Variants in AP3M2 observed in about 807,000 individuals in gnomAD.
AP3M2 encodes the protein AP-3 complex subunit mu-2.
In AP3M2, 28 loss-of-function variants were observed where a neutral mutation model predicts 41.6. The observed-to-expected ratio is 0.67, with a 90% CI of 0.50 to 0.92. The LOEUF (loss-of-function observed/expected upper bound fraction) is 0.92. Ranked by LOEUF, AP3M2 falls within the 40% of genes least tolerant of loss-of-function variation. The probability of loss-of-function intolerance (pLI) is 0.00; values close to 1 mark genes in which losing one functional copy is unlikely to be tolerated. For missense variants in AP3M2, 427 were observed against 521.4 expected, an observed-to-expected ratio of 0.82 and a Z score of 1.76; for synonymous variants, 193 against 186.4, an observed-to-expected ratio of 1.04 and a Z score of -0.29.
At chr8:42,157,790 A>T in intron 2 of AP3M2, 151 bp from the exon 3 acceptor site, 1 of 646,356 alleles carries the variant, frequency 1.5e-6, no homozygotes, top group Admixed American at 3.1e-5. Context: ...GCCTAAGAGA[A>T]CTATGGTTAT....
chr8:42,153,179 C>T (rs1804253965), intron 1 of AP3M2, 74 bp downstream of exon 1: 1 of 152,372 alleles, frequency 6.6e-6, no homozygotes, highest in Non-Finnish European at 1.5e-5. Context: ...GGCGGGGTCT[C>T]AGGATGCAGC....
chr8:42,163,584 T>C (rs891273271), intron 4 of AP3M2, among the ~76,000 whole-genome samples: 2 of 152,076 alleles, frequency 1.3e-5, no homozygotes, highest in Admixed American at 6.6e-5. Context: ...ATGTGTGGAT[T>C]TGGGAGCAAA....
intron 4 of AP3M2, among the ~76,000 whole-genome samples, chr8:42,163,006 T>G (rs1311430109): frequency 6.6e-6 from 1 of 150,566 alleles, no homozygotes; most frequent in Non-Finnish European, 1.5e-5. Flanking sequence ...TAAATTACCT[T>G]CTCGAAAGTA....
intron 4 of AP3M2, among the ~76,000 whole-genome samples, chr8:42,163,275 CAA>C (rs1414510648): frequency 6.6e-6 from 1 of 152,060 alleles, no homozygotes; most frequent in Non-Finnish European, 1.5e-5. Context: ...CTAGCCTGGG[CAA>C]CATAGTGAGA....
At chr8:42,157,819 A>G (rs960000641) in intron 2 of AP3M2, 122 bp from the exon 3 acceptor site, 11 of 916,254 alleles carry the variant, frequency 1.2e-5, no homozygotes, top group African/African-American at 3.4e-5. Flanking sequence ...CCCTCGTTGT[A>G]GAAGAGTAGC....
At position 42,158,880 on chromosome 8, in the gene AP3M2, G is replaced by A. The variant is rs536522907; in HGVS notation, c.445+768G>A. ...GCGATCTCAACTCACTGCAACCTCC[G>A]CCTCCCAGGCTCAAGCGATTCTCCT... On this transcript the variant is annotated intron_variant, in intron 3 of 8. Coordinates refer to ENST00000396926, the MANE Select transcript of AP3M2 (RefSeq NM_006803.4). Among the ~76,000 whole-genome samples the A allele has an allele frequency of 1.3e-4, 20 of 150,810 alleles. No individual in the cohort carries two copies. The East Asian group carries it at 2.4e-3, about 18-fold the overall frequency.
rs369710104 is a variant in AP3M2, at chr8:42,165,498, C to G, written c.741C>G (p.Ile247Met). Residue 247 changes from isoleucine to methionine, a missense_variant, in exon 6 of 9, where the codon ATC becomes ATG. Around this residue, in one of 3 missense-constraint regions of AP3M2, gnomAD observed 237 missense variants for 284.9 expected, o/e 0.83. Transcript: ENST00000396926. Reference sequence around the variant, plus strand: ...TCAAACGCTGGGAATCTGAGCGCATCCTCTCCTTCATCCCTCCTGATGGAA... The same window carrying G: ...TCAAACGCTGGGAATCTGAGCGCATGCTCTCCTTCATCCCTCCTGATGGAA... ...VRFKRWESER[I>M]LSFIPPDGNF... 7.4e-6 allele frequency: 12 copies of G among 1,614,064 alleles called. No individual in the cohort carries two copies. The highest frequency in any genetic ancestry group is 9.3e-6 in the Non-Finnish European group (11 of 1,180,024).
In AP3M2 at chr8:42,165,447, T is replaced by C. The variant is rs776386446; in HGVS notation, c.690T>C (p.Asp230=). 1 of 1,614,244 alleles carries C rather than the reference T, an allele frequency of 6.2e-7. No homozygotes were observed. The highest frequency in any genetic ancestry group is 1.7e-5 in the Admixed American group (1 of 60,026). Residue 230 remains aspartate, a synonymous_variant, in exon 6 of 9, where the codon GAT becomes GAC. Transcript: ENST00000396926. ...TGTAGAACCCTAGGTTGTTGGATGA[T>C]GTCAGCTTCCATCCTTGTGTTCGTT... is the stretch of plus-strand genomic sequence containing the variant. ...LSFMNPRLLD[D]VSFHPCVRFK... is the part of the protein sequence containing the mutation.
chr8:42,169,068 C>T lies in AP3M2; in HGVS notation c.*7C>T, dbSNP rs770695245. The T allele has an allele frequency of 6.3e-6, 10 of 1,595,482 alleles. No homozygotes were observed. The highest frequency in any genetic ancestry group is 1.7e-5 in the Admixed American group (1 of 57,960). ...GTTCCAAGTTCGAACCTGAAGGGAGCATTTGCTGAGGGAATAGTCTTGCAC... is the reference window on the plus strand; with the variant it reads ...GTTCCAAGTTCGAACCTGAAGGGAGTATTTGCTGAGGGAATAGTCTTGCAC... On this transcript the variant is annotated 3_prime_UTR_variant, in exon 9 of 9. Coordinates refer to ENST00000396926, the MANE Select transcript of AP3M2 (RefSeq NM_006803.4).
intron 7 of AP3M2, 93 bp from the exon 8 acceptor site, chr8:42,167,573 G>C: frequency 1.4e-6 from 2 of 1,480,982 alleles, no homozygotes; most frequent in African/African-American, 1.4e-5. Flanking sequence ...GTGGACAGGT[G>C]CCCTGAGTTT....
At chr8:42,167,865 A>T in intron 8 of AP3M2, 55 bp downstream of exon 8, 2 of 1,562,028 alleles carry the variant, frequency 1.3e-6, no homozygotes, top group Non-Finnish European at 1.7e-6. Flanking sequence ...GCTTTCTGCC[A>T]TATGGCGCAG....
At chr8:42,163,988 T>G (rs1181752432) in intron 4 of AP3M2, among the ~76,000 whole-genome samples, 1 of 152,106 alleles carries the variant, frequency 6.6e-6, no homozygotes, top group Non-Finnish European at 1.5e-5. Flanking sequence ...TGATGAGACT[T>G]GTAGTTTAGA....
intron 8 of AP3M2, chr8:42,168,318 C>T (rs1804697050): frequency 4.6e-6 from 2 of 435,374 alleles, no homozygotes; most frequent in Non-Finnish European, 9.3e-6. Flanking sequence ...GGGCATTTAC[C>T]ATGTTCCAGG....
chr8:42,160,849 C>T (rs1331682947), intron 3 of AP3M2, among the ~76,000 whole-genome samples: 1 of 152,092 alleles, frequency 6.6e-6, no homozygotes, highest in Non-Finnish European at 1.5e-5. Context: ...ATACATAGTT[C>T]CTCTTTTTAA....
At chr8:42,155,929 C>T in intron 2 of AP3M2, 1 of 454,312 alleles carries the variant, frequency 2.2e-6, no homozygotes, top group South Asian at 1.6e-5. Context: ...AACTTCCCTT[C>T]CCAAGAGAAT....
At chr8:42,165,819 C>T in intron 6 of AP3M2, 1 of 365,490 alleles carries the variant, frequency 2.7e-6, no homozygotes, top group Non-Finnish European at 4.9e-6. Context: ...CAAAGAAGTG[C>T]TCATTAAGTT....
At chr8:42,159,264 G>T (rs1450202292) in intron 3 of AP3M2, among the ~76,000 whole-genome samples, 1 of 152,198 alleles carries the variant, frequency 6.6e-6, no homozygotes, top group African/African-American at 2.4e-5. Context: ...AGTAGTAGAG[G>T]TAGCAATGCT....
At chr8:42,165,366 C>T (rs1804610593) in intron 5 of AP3M2, 61 bp from the exon 6 acceptor site, 3 of 1,587,640 alleles carry the variant, frequency 1.9e-6, no homozygotes, top group Non-Finnish European at 2.6e-6. Context: ...AAATTGCTTT[C>T]CTGAAAGCAC....
At chr8:42,165,939 C>G (rs1317182996) in intron 6 of AP3M2, among the ~76,000 whole-genome samples, 2 of 152,148 alleles carry the variant, frequency 1.3e-5, no homozygotes, top group African/African-American at 4.8e-5. Flanking sequence ...TTAAGTTATG[C>G]TATGAAAAAG....
Sources: allele counts gnomAD v4.1 joint callset (sites outside exome capture counted in the v4.1 genomes callset), GRCh38; gene constraint gnomAD v4.1.1; regional missense constraint gnomAD v4.1.1; transcripts MANE v1.5; gene names NCBI Gene and HGNC (gene_info 2026-07-23, HGNC 2026-07-21).